The following SUMF1 variants were observed in gnomAD, a reference collection of about 807,000 sequenced individuals.
SUMF1 encodes formylglycine-generating enzyme.
In SUMF1, 48 loss-of-function variants were observed where a neutral mutation model predicts 47.6. The observed-to-expected ratio is 1.01, with a 90% CI of 0.80 to 1.28. The LOEUF (loss-of-function observed/expected upper bound fraction) is 1.28, where lower values mean the gene tolerates loss of function less well. Among genes scored for constraint, SUMF1 ranks in the 50% most tolerant of loss-of-function variants. SUMF1 has a pLI of 0.00. For synonymous variants in SUMF1, 230 were observed against 192.1 expected (o/e 1.20, Z -1.63); for missense variants, 571 against 485.4 (o/e 1.18, Z -1.66).
At chr3:4,450,631 T>C (rs949696742) in intron 2 of SUMF1, among the ~76,000 whole-genome samples, 1 of 152,124 alleles carries the variant, frequency 6.6e-6, no homozygotes, top group African/African-American at 2.4e-5. Flanking sequence ...TGCTTAAGTG[T>C]GGGAGCACAG....
chr3:4,109,751 C>T (rs868515782), intron 8 of SUMF1, among the ~76,000 whole-genome samples: 1 of 152,066 alleles, frequency 6.6e-6, no homozygotes, highest in Non-Finnish European at 1.5e-5. Flanking sequence ...TCACGTAGTT[C>T]TTGTGCCATG....
At chr3:4,186,816 G>T (rs1374239960) in intron 8 of SUMF1, among the ~76,000 whole-genome samples, 3 of 152,092 alleles carry the variant, frequency 2.0e-5, no homozygotes, top group Non-Finnish European at 4.4e-5. Context: ...AGATATTCAT[G>T]AGGTTAGCAA....
chr3:4,316,756 C>G (rs1381185039), intron 8 of SUMF1: 3 of 1,550,648 alleles, frequency 1.9e-6, no homozygotes, highest in Admixed American at 2.0e-5. Context: ...AAGCACTTCC[C>G]AAAGCCAATC....
intron 8 of SUMF1, among the ~76,000 whole-genome samples, chr3:4,252,751 T>C (rs967836089): frequency 7.2e-5 from 11 of 151,750 alleles, no homozygotes; most frequent in Non-Finnish European, 1.2e-4. Flanking sequence ...CAGTGAAAAA[T>C]AGTAGCAAAG....
At chr3:4,257,776 G>A (rs1469827489) in intron 8 of SUMF1, among the ~76,000 whole-genome samples, 12 of 152,092 alleles carry the variant, frequency 7.9e-5, no homozygotes, top group Admixed American at 2.0e-4. Flanking sequence ...AAGTTCATAC[G>A]GAACCAAAAA....
intron 8 of SUMF1, among the ~76,000 whole-genome samples, chr3:4,257,411 A>G (rs1279909733): frequency 2.0e-5 from 3 of 146,658 alleles, no homozygotes; most frequent in Admixed American, 1.4e-4. Flanking sequence ...ACTTCAGCAA[A>G]GTCTCAGGAT....
At chr3:4,290,409 G>A (rs1054460578) in intron 8 of SUMF1, among the ~76,000 whole-genome samples, 2 of 152,144 alleles carry the variant, frequency 1.3e-5, no homozygotes, top group Non-Finnish European at 2.9e-5. Flanking sequence ...TCCAGTTTAT[G>A]CAAAATGGGT....
intron 3 of SUMF1, among the ~76,000 whole-genome samples, chr3:4,423,214 C>T (rs1278143933): frequency 6.6e-6 from 1 of 151,842 alleles, no homozygotes; most frequent in African/African-American, 2.4e-5. Flanking sequence ...GCATAATTCA[C>T]AATTGCAAAA....
chr3:4,252,369 CACACACACA>C (rs1696822697), intron 8 of SUMF1, among the ~76,000 whole-genome samples: 2 of 142,320 alleles, frequency 1.4e-5, no homozygotes, highest in Non-Finnish European at 1.6e-5. Context: ...CACACACACA[CACACACACA>C]CCCCACTGGC....
intron 8 of SUMF1, among the ~76,000 whole-genome samples, chr3:4,091,665 T>C (rs1481535384): frequency 2.0e-5 from 3 of 152,080 alleles, no homozygotes; most frequent in African/African-American, 7.2e-5. Context: ...TCAACCAGCA[T>C]GTACTAGAAT....
At chr3:4,436,598 A>C (rs1702406145) in intron 3 of SUMF1, among the ~76,000 whole-genome samples, 1 of 134,144 alleles carries the variant, frequency 7.5e-6, no homozygotes, top group African/African-American at 2.7e-5. Flanking sequence ...AGAGTTGTTA[A>C]TTAAAAAAAA....
chr3:4,259,452 T>A (rs768888242), intron 8 of SUMF1, among the ~76,000 whole-genome samples: 2 of 152,226 alleles, frequency 1.3e-5, no homozygotes, highest in Non-Finnish European at 2.9e-5. Flanking sequence ...TTCAACATAG[T>A]ATGAAAATCT....
intron 8 of SUMF1, among the ~76,000 whole-genome samples, chr3:4,193,895 G>T (rs556008723): frequency 8.6e-5 from 13 of 152,008 alleles, no homozygotes; most frequent in African/African-American, 2.9e-4. Flanking sequence ...TAAAAAGTAC[G>T]TAAAACAGTA....
At position 4,373,719 on chromosome 3, in the gene SUMF1, C is replaced by A. The variant is rs550689039; in HGVS notation, c.1014+2611G>T. On this transcript the variant is annotated intron_variant, in intron 8 of 8. Transcript: ENST00000272902. ...AACTCAATCTATGAAGTCAGCAATA[C>A]CCTGAAACCAAAATCAGATAAAGAC... Among the ~76,000 whole-genome samples, 4 of 152,162 alleles carry A rather than the reference C, an allele frequency of 2.6e-5. No homozygotes were observed. In the South Asian group the frequency reaches 8.3e-4, roughly 32 times the overall value.
chr3:4,320,846 C>T lies in SUMF1; in HGVS notation c.1014+55484G>A, dbSNP rs191185292. On this transcript the variant is annotated intron_variant and NMD_transcript_variant, in intron 8 of 12. Transcript: ENST00000448413. ...GAAGGGAACTTCAGGAGAGCCCCTC[C>T]CTGCACTTATGGGAGTAGGGTGAGA... is the stretch of plus-strand genomic sequence containing the variant. Among the ~76,000 whole-genome samples the T allele has an allele frequency of 1.7e-3, 259 of 152,228 alleles. 1 individual carries two copies. The highest frequency in any genetic ancestry group is 3.1e-3 in the Non-Finnish European group (211 of 68,002).
chr3:4,256,354 T>C lies in SUMF1; in HGVS notation c.1014+119976A>G, dbSNP rs1006358299. Among the ~76,000 whole-genome samples, 4 of 103,630 alleles carry C rather than the reference T, an allele frequency of 3.9e-5. 1 individual carries two copies. The highest frequency in any genetic ancestry group is 9.0e-5 in the Admixed American group (1 of 11,126). 68.0% of individuals were successfully genotyped at this position (103,630 alleles called of 152,430 possible). On this transcript the variant is annotated intron_variant and NMD_transcript_variant, in intron 8 of 12. Coordinates refer to the SUMF1 transcript ENST00000448413. ...TGGTTTTTTGAAAGGATCAACAAAA[T>C]TGATAGACCACTAGCAAGACTGATA...
intron 8 of SUMF1, among the ~76,000 whole-genome samples, chr3:4,071,706 G>A (rs1225000581): frequency 6.6e-6 from 1 of 152,198 alleles, no homozygotes; most frequent in African/African-American, 2.4e-5. Context: ...AAACTGGGTG[G>A]AGCCCACCAC....
At chr3:4,257,748 T>C (rs548046340) in intron 8 of SUMF1, among the ~76,000 whole-genome samples, 2 of 151,852 alleles carry the variant, frequency 1.3e-5, no homozygotes, top group African/African-American at 2.4e-5. Context: ...CTTCACAGAA[T>C]TGGAAAAAAC....
chr3:4,316,195 GT>G (rs1245388205), intron 8 of SUMF1: 2 of 673,626 alleles, frequency 3.0e-6, no homozygotes, highest in Non-Finnish European at 2.7e-6. Flanking sequence ...CTTACTTGCT[GT>G]TTATGTTTAT....
Sources: allele counts gnomAD v4.1 joint callset (sites outside exome capture counted in the v4.1 genomes callset), GRCh38; gene constraint gnomAD v4.1.1; transcripts MANE v1.5; gene names NCBI Gene and HGNC (gene_info 2026-07-23, HGNC 2026-07-21).